The following PLXNC1 variants were observed in gnomAD, a reference collection of about 807,000 sequenced individuals.
PLXNC1 encodes the protein plexin C1, also known as plexin-C1.
A neutral mutation model predicts 178.2 loss-of-function variants in PLXNC1; 75 were observed. That is an observed-to-expected ratio of 0.42 (90% confidence interval 0.35 to 0.51). The LOEUF (loss-of-function observed/expected upper bound fraction) is 0.51. PLXNC1 is among the 20% of genes least tolerant of loss of function. PLXNC1 has a pLI of 0.02. For synonymous variants in PLXNC1, 790 were observed against 779.9 expected (o/e 1.01, Z -0.22); for missense variants, 1,503 against 1,984.4 (o/e 0.76, Z 4.61).
chr12:94,177,137 A>ATATATGTGTGTGTGTGTGTGTGTGTG (rs201041826), intron 2 of PLXNC1, among the ~76,000 whole-genome samples: 1 of 67,422 alleles, frequency 1.5e-5, no homozygotes, highest in African/African-American at 7.6e-5. Flanking sequence ...GTGTATATAT[A>ATATATGTGTGTGTGTGTGTGTGTGTG]TGTGTGTGTG....
chr12:94,204,393 A>C (rs1203723948), intron 4 of PLXNC1, among the ~76,000 whole-genome samples: 1 of 152,250 alleles, frequency 6.6e-6, no homozygotes, highest in Non-Finnish European at 1.5e-5. Context: ...AATGAATCAA[A>C]TCATGTGAAA....
intron 2 of PLXNC1, among the ~76,000 whole-genome samples, chr12:94,181,077 C>CTACAA (rs1474964830): frequency 6.6e-6 from 1 of 152,048 alleles, no homozygotes; most frequent in Non-Finnish European, 1.5e-5. Context: ...TATGATTAAG[C>CTACAA]TACAATTTTT....
chr12:94,209,840 A>T, intron 5 of PLXNC1, 136 bp downstream of exon 5: 1 of 590,040 alleles, frequency 1.7e-6, no homozygotes, highest in Non-Finnish European at 3.1e-6. Flanking sequence ...TTTAGCACTC[A>T]TTAACGAATA....
chr12:94,251,295 G>C (rs76324607), intron 14 of PLXNC1, 131 bp from the exon 15 acceptor site: 1 of 631,948 alleles, frequency 1.6e-6, no homozygotes, highest in East Asian at 2.7e-5. Flanking sequence ...ACAGAAATGA[G>C]AGTTGAACTC....
At chr12:94,247,829 G>C (rs1336082886) in intron 12 of PLXNC1, 74 bp from the exon 13 acceptor site, 1 of 1,363,832 alleles carries the variant, frequency 7.3e-7, no homozygotes, top group East Asian at 2.3e-5. Context: ...AGTTGCTCAG[G>C]TCACTTAGCT....
chr12:94,193,605 G>A (rs1962803005), intron 4 of PLXNC1, among the ~76,000 whole-genome samples: 1 of 152,166 alleles, frequency 6.6e-6, no homozygotes, highest in Non-Finnish European at 1.5e-5. Context: ...TTCTTCCTGT[G>A]TCCCAGGCAC....
At chr12:94,290,930 TTCTTGCCACCCGTTTG>T (rs777816715) in intron 23 of PLXNC1, among the ~76,000 whole-genome samples, 16 of 152,340 alleles carry the variant, frequency 1.1e-4, no homozygotes, top group Non-Finnish European at 1.6e-4. Flanking sequence ...ACCTGCCTCC[TTCTTGCCACCCGTTTG>T]TCTTGTAATT....
Position 94,168,808 on chromosome 12 carries a change from A to G in PLXNC1, c.1063-345A>G, listed in dbSNP as rs538874876. ...GGCAGGATTTTGAAAACAGCCAAGT[A>G]TAAGATAGTCTGCCTCCCAATTCAG... is the stretch of plus-strand genomic sequence containing the variant. On this transcript the variant is annotated intron_variant, in intron 1 of 30. Transcript: ENST00000258526. Among the ~76,000 whole-genome samples the G allele has an allele frequency of 1.8e-3, 276 of 152,352 alleles. 2 individuals are homozygous for G. Among genetic ancestry groups the G allele is most frequent in the African/African-American group, 6.4e-3 (268 of 41,584 alleles).
In PLXNC1 at chr12:94,305,754, GCAGCATTGAAACTTTCCC is replaced by G. The variant is rs1243442116; in HGVS notation, c.*473_*490del. 6.5e-6 allele frequency: 1 copy of G among 153,072 alleles called. No individual in the cohort carries two copies. The highest frequency in any genetic ancestry group is 2.4e-5 in the African/African-American group (1 of 41,462). 9.5% of individuals were successfully genotyped at this position (153,072 alleles called of 1,614,324 possible). A position where few individuals can be genotyped will look rare whatever the true frequency, so the allele number is the denominator to read the frequency against. ...GGTGTTAGGGCAACCTCGAGGATTT[GCAGCATTGAAACTTTCCC>G]CAGTAGTTCTTGGAAAAGCTGACCG... On this transcript the variant is annotated 3_prime_UTR_variant, in exon 31 of 31. Transcript: ENST00000258526.
chr12:94,304,985 A>AT (rs1968852322), intron 30 of PLXNC1, among the ~76,000 whole-genome samples, 196 bp from the exon 31 acceptor site: 1 of 152,236 alleles, frequency 6.6e-6, no homozygotes, highest in Non-Finnish European at 1.5e-5. Flanking sequence ...GCGAGCTTCT[A>AT]TTTTAAGCCA....
Position 94,209,588 on chromosome 12 carries a change from A to G in PLXNC1, c.1440-2A>G, listed in dbSNP as rs751919695. 1 of 1,553,648 alleles carries G rather than the reference A, an allele frequency of 6.4e-7. No individual in the cohort carries two copies. Among genetic ancestry groups the G allele is most frequent in the Non-Finnish European group, 8.8e-7 (1 of 1,134,674 alleles). ...CGCTGTTTTGTTGCCTCGTTTTTTTAGGTGCACTTTTCAAGGAGATTGTGT... is the reference window on the plus strand; with the variant it reads ...CGCTGTTTTGTTGCCTCGTTTTTTTGGGTGCACTTTTCAAGGAGATTGTGT... On this transcript the variant is annotated splice_acceptor_variant, in intron 4 of 30. Transcript: ENST00000258526. LOFTEE classifies it high-confidence loss of function.
At chr12:94,222,959 G>A (rs1444640256) in intron 6 of PLXNC1, among the ~76,000 whole-genome samples, 1 of 152,226 alleles carries the variant, frequency 6.6e-6, no homozygotes, top group Admixed American at 6.5e-5. Context: ...ATTTTATGTG[G>A]AATTCTGACT....
chr12:94,178,958 A>G (rs1165329692), intron 2 of PLXNC1, among the ~76,000 whole-genome samples: 1 of 152,134 alleles, frequency 6.6e-6, no homozygotes, highest in Non-Finnish European at 1.5e-5. Flanking sequence ...GACTTTTACA[A>G]AGCTGCTGCT....
chr12:94,289,994 G>A (rs1967126193), intron 23 of PLXNC1, among the ~76,000 whole-genome samples: 1 of 152,208 alleles, frequency 6.6e-6, no homozygotes, highest in Non-Finnish European at 1.5e-5. Context: ...GCTGTTGCCA[G>A]CTCTTGAGGA....
intron 21 of PLXNC1, among the ~76,000 whole-genome samples, chr12:94,275,267 T>C (rs1344559617): frequency 6.6e-6 from 1 of 152,234 alleles, no homozygotes; most frequent in Non-Finnish European, 1.5e-5. Context: ...ACAAGGACTA[T>C]GTCATAACAT....
intron 5 of PLXNC1, among the ~76,000 whole-genome samples, chr12:94,213,545 G>A (rs1963555801): frequency 6.6e-6 from 1 of 152,170 alleles, no homozygotes; most frequent in African/African-American, 2.4e-5. Context: ...GTAGATTCTG[G>A]ATATTAGCCC....
At position 94,244,176 on chromosome 12, in the gene PLXNC1, T is replaced by C. The variant is rs1964467337; in HGVS notation, c.2388+151T>C. 6.4e-6 allele frequency: 3 copies of C among 465,930 alleles called. No homozygotes were observed. In the Admixed American group the frequency reaches 1.1e-4, roughly 17 times the overall value. The allele number at this position is 465,930 out of a possible 1,614,324, so 28.9% of individuals were successfully genotyped here. A position where few individuals can be genotyped will look rare whatever the true frequency, so the allele number is the denominator to read the frequency against. ...ATCATATATTCTATCCATGCTAGAA[T>C]GGAAATAATAAGACCTTATCCTTGT... On this transcript the variant is annotated intron_variant, in intron 12 of 30. Transcript: ENST00000258526.
rs114758530 is a variant in PLXNC1, at chr12:94,220,107, A to G, written c.1646A>G (p.Lys549Arg). The stretch of plus-strand genomic sequence containing the variant: ...TCTAGCAGGGAGCTCTGCCAGAATA[A>G]AAGTCAGCCCAACCGGACCTGCACC... ...VDSSRELCQN[K>R]SQPNRTCTCS... The change falls in exon 6 of 31, where the codon AAA (lysine) becomes AGA (arginine). Residue 549 changes from lysine (K) to arginine (R), a missense_variant. By Grantham distance (26) the Lys-to-Arg change is conservative. Transcript: ENST00000258526. 2,796 of 1,614,064 alleles carry G rather than the reference A, an allele frequency of 1.7e-3. 1 individual carries two copies. The highest frequency in any genetic ancestry group is 2.2e-3 in the Non-Finnish European group (2,573 of 1,179,956).
intron 18 of PLXNC1, 70 bp downstream of exon 18, chr12:94,259,445 C>A: frequency 1.6e-6 from 2 of 1,253,746 alleles, no homozygotes; most frequent in Non-Finnish European, 2.3e-6. Context: ...TCATCACTAT[C>A]ATCTCTATTA....
Sources: allele counts gnomAD v4.1 joint callset (sites outside exome capture counted in the v4.1 genomes callset), GRCh38; gene constraint gnomAD v4.1.1; transcripts MANE v1.5; gene names NCBI Gene and HGNC (gene_info 2026-07-23, HGNC 2026-07-21).